NRXN1: variants seen among roughly 807,000 people sequenced by gnomAD.
NRXN1 encodes the protein neurexin 1, also known as neurexin-1.
NRXN1 carries 39 observed loss-of-function variants against 150.9 expected under a neutral mutation model. The ratio of observed to expected loss-of-function variants is 0.26; its 90% CI spans 0.20 to 0.34. The LOEUF is 0.34. Ranked by LOEUF, NRXN1 falls within the 10% of genes least tolerant of loss-of-function variation. The pLI is 1.00. For missense variants in NRXN1, 1,815 were observed against 1,949.9 expected, an observed-to-expected ratio of 0.93 and a Z score of 1.30; for synonymous variants, 924 against 757.0, an observed-to-expected ratio of 1.22 and a Z score of -3.62.
chr2:50,044,780 T>C (rs144263505), intron 21 of NRXN1, among the ~76,000 whole-genome samples: 3 of 152,316 alleles, frequency 2.0e-5, no homozygotes, highest in East Asian at 3.9e-4. Flanking sequence ...AAGAATAGCA[T>C]AATAATACCT....
chr2:50,785,581 G>A (rs1267856907), intron 5 of NRXN1, among the ~76,000 whole-genome samples: 1 of 152,094 alleles, frequency 6.6e-6, no homozygotes, highest in Non-Finnish European at 1.5e-5. Flanking sequence ...CTCAGTTGGT[G>A]ATACTTTGTT....
At chr2:49,973,697 C>T (rs1678387257) in intron 21 of NRXN1, 3 of 449,764 alleles carry the variant, frequency 6.7e-6, no homozygotes, top group Non-Finnish European at 1.2e-5. Context: ...GAAGCTCACA[C>T]AAAGCAGCAG....
rs1310861693 is a variant in NRXN1 at position 50,610,650 on chromosome 2, T to C, written c.1320+9372A>G. Among the ~76,000 whole-genome samples the C allele has an allele frequency of 2.6e-4, 27 of 102,320 alleles. No individual in the cohort carries two copies. The South Asian group carries it at 8.4e-3, about 32-fold the overall frequency. The allele number at this position is 102,320 out of a possible 152,430, so 67.1% of individuals were successfully genotyped here. ...CATACTATAAATAGATACATATATA[T>C]ATATATATATATATATATATATATA... On this transcript the variant is annotated intron_variant, in intron 8 of 22. Transcript: ENST00000401669.
chr2:50,845,678 T>C (rs1052455655), intron 5 of NRXN1, among the ~76,000 whole-genome samples: 2 of 152,204 alleles, frequency 1.3e-5, no homozygotes, highest in Admixed American at 1.3e-4. Context: ...GCTCGATCTA[T>C]GTCAAGTGAT....
At chr2:50,331,857 T>C (rs929046797) in intron 17 of NRXN1, among the ~76,000 whole-genome samples, 9 of 152,146 alleles carry the variant, frequency 5.9e-5, no homozygotes, top group African/African-American at 1.7e-4. Flanking sequence ...AAGGTCTTGT[T>C]CCTCAAGCAA....
chr2:50,380,519 T>A (rs530172178), intron 17 of NRXN1, among the ~76,000 whole-genome samples: 1 of 152,078 alleles, frequency 6.6e-6, no homozygotes, highest in African/African-American at 2.4e-5. Context: ...AATTTAAGAG[T>A]CAGAGAGGTT....
chr2:50,369,391 T>A (rs1471324649), intron 17 of NRXN1, among the ~76,000 whole-genome samples: 3 of 152,044 alleles, frequency 2.0e-5, no homozygotes, highest in African/African-American at 7.2e-5. Context: ...CTCTGTTTGA[T>A]CATAAGTATA....
intron 21 of NRXN1, chr2:50,016,585 G>A (rs991917524): frequency 6.6e-6 from 1 of 152,140 alleles, no homozygotes; most frequent in Non-Finnish European, 1.5e-5. Flanking sequence ...GGCCGCAGAA[G>A]AGAGAAATTA....
intron 21 of NRXN1, among the ~76,000 whole-genome samples, chr2:50,034,395 G>C (rs1689681889): frequency 6.6e-6 from 1 of 152,040 alleles, no homozygotes; most frequent in Non-Finnish European, 1.5e-5. Context: ...CACAGGAACA[G>C]AAAAACAAAT....
intron 5 of NRXN1, among the ~76,000 whole-genome samples, chr2:50,909,151 T>G (rs1378861162): frequency 6.6e-6 from 1 of 151,942 alleles, no homozygotes; most frequent in East Asian, 1.9e-4. Flanking sequence ...TCAATAACTA[T>G]CTTAAGAATC....
chr2:50,516,781 T>TC (rs2092644284), intron 12 of NRXN1, among the ~76,000 whole-genome samples: 1 of 151,932 alleles, frequency 6.6e-6, no homozygotes, highest in Non-Finnish European at 1.5e-5. Context: ...AGCAAAGAGA[T>TC]AGAGTCCTAA....
intron 17 of NRXN1, among the ~76,000 whole-genome samples, chr2:50,294,227 A>C (rs1317274245): frequency 6.6e-6 from 1 of 152,194 alleles, no homozygotes; most frequent in East Asian, 1.9e-4. Flanking sequence ...TACTTTAGGG[A>C]ATGATAAGAC....
chr2:50,289,465 T>C (rs2072627940), intron 17 of NRXN1, among the ~76,000 whole-genome samples: 1 of 152,108 alleles, frequency 6.6e-6, no homozygotes, highest in Non-Finnish European at 1.5e-5. Flanking sequence ...ATTCACTGCC[T>C]TTTCATATGA....
intron 17 of NRXN1, among the ~76,000 whole-genome samples, chr2:50,282,578 C>A (rs561147506): frequency 1.3e-5 from 2 of 152,044 alleles, no homozygotes; most frequent in Non-Finnish European, 2.9e-5. Flanking sequence ...AGAAAGAGGT[C>A]CTAGAACTAA....
At chr2:50,316,681 G>T (rs1558511945) in intron 17 of NRXN1, among the ~76,000 whole-genome samples, 1 of 152,056 alleles carries the variant, frequency 6.6e-6, no homozygotes, top group Non-Finnish European at 1.5e-5. Flanking sequence ...AGATAGTAAG[G>T]TAGTAAGATT....
At chr2:50,535,092 G>C (rs1451644426) in intron 10 of NRXN1, among the ~76,000 whole-genome samples, 2 of 152,154 alleles carry the variant, frequency 1.3e-5, no homozygotes, top group African/African-American at 2.4e-5. Context: ...CTCACAATTA[G>C]AGTTAATGTT....
intron 17 of NRXN1, among the ~76,000 whole-genome samples, chr2:50,320,334 T>C (rs923055077): frequency 1.0e-4 from 10 of 100,098 alleles, no homozygotes; most frequent in African/African-American, 1.5e-4. Flanking sequence ...ATATAGTATA[T>C]GATTAGCATC....
At chr2:51,001,438 T>A (rs1436198031) in intron 2 of NRXN1, among the ~76,000 whole-genome samples, 1 of 151,902 alleles carries the variant, frequency 6.6e-6, no homozygotes, top group Non-Finnish European at 1.5e-5. Context: ...TTAATTTCAT[T>A]ATTGCACTAT....
intron 8 of NRXN1, among the ~76,000 whole-genome samples, chr2:50,610,638 G>GATATATATATATATAT (rs1573776539): frequency 3.4e-5 from 1 of 29,552 alleles, no homozygotes; most frequent in Admixed American, 4.3e-4. Context: ...ACTATAAATA[G>GATATATATATATATAT]ATACATATAT....
Sources: gnomAD v4.1 joint callset for allele counts (sites outside exome capture counted in the v4.1 genomes callset) on GRCh38, gnomAD v4.1.1 for gene constraint, MANE v1.5 for transcripts, NCBI Gene and HGNC (gene_info 2026-07-23, HGNC 2026-07-21) for gene names.